FER1L6: variants seen among roughly 807,000 people sequenced by gnomAD.
The protein encoded by FER1L6 is fer-1-like protein 6.
In FER1L6, 177 loss-of-function variants were observed where a neutral mutation model predicts 219.2. The observed-to-expected ratio is 0.81, with a 90% CI of 0.71 to 0.91. The LOEUF (loss-of-function observed/expected upper bound fraction) is 0.91, where lower values mean the gene tolerates loss of function less well. FER1L6 is among the 40% of genes least tolerant of loss of function. FER1L6 has a pLI of 0.00. For synonymous variants in FER1L6, 768 were observed against 824.3 expected (o/e 0.93, Z 1.17); for missense variants, 2,153 against 2,259.9 (o/e 0.95, Z 0.96).
chr8:124,110,729 A>G (rs1822986710), intron 39 of FER1L6, among the ~76,000 whole-genome samples: 1 of 152,104 alleles, frequency 6.6e-6, no homozygotes, highest in East Asian at 1.9e-4. Context: ...TCACAGCACC[A>G]TTTGTCACAC....
intron 32 of FER1L6, among the ~76,000 whole-genome samples, chr8:124,079,557 T>C (rs762934312): frequency 1.3e-5 from 2 of 152,168 alleles, no homozygotes; most frequent in African/African-American, 2.4e-5. Flanking sequence ...CGTCACCCTG[T>C]GAGTAGATTG....
intron 1 of FER1L6, among the ~76,000 whole-genome samples, chr8:123,904,814 C>T (rs4504619): frequency 0.77 from 116,719 of 152,140 alleles, 45,040 homozygotes; most frequent in South Asian, 0.84. Context: ...AGAAATGGCA[C>T]AGGTACAGTA....
At position 124,082,237 on chromosome 8, in the gene FER1L6, C is replaced by T. The variant is rs1249459651; in HGVS notation, c.4221-51C>T. ...CTAAAAGTGAAGCTGGGAATGGTTC[C>T]CTGTGTCACCAAATGTTAACTGACT... On this transcript the variant is annotated intron_variant, in intron 32 of 40. Transcript: ENST00000522917. The T allele has an allele frequency of 2.0e-6, 3 of 1,505,256 alleles. No homozygotes were observed. The African/African-American group carries it at 4.2e-5, about 21-fold the overall frequency. The allele number at this position is 1,505,256 out of a possible 1,614,324, so 93.2% of individuals were successfully genotyped here. A position where few individuals can be genotyped will look rare whatever the true frequency, so the allele number is the denominator to read the frequency against.
intron 1 of FER1L6, among the ~76,000 whole-genome samples, chr8:123,895,981 A>T (rs1315186580): frequency 6.6e-6 from 1 of 152,222 alleles, no homozygotes; most frequent in Non-Finnish European, 1.5e-5. Context: ...GGATAGGATG[A>T]TACCATGCAT....
intron 12 of FER1L6, among the ~76,000 whole-genome samples, chr8:123,997,066 T>G (rs561575388): frequency 6.6e-6 from 1 of 152,280 alleles, no homozygotes; most frequent in East Asian, 1.9e-4. Flanking sequence ...TGTTATAATG[T>G]TCTATGTTTC....
intron 1 of FER1L6, among the ~76,000 whole-genome samples, chr8:123,933,402 C>T (rs4871438): frequency 1.1e-5 from 1 of 90,766 alleles, no homozygotes; most frequent in Non-Finnish European, 2.3e-5. Flanking sequence ...GTGTGTGTGT[C>T]TGTGTGTGTG....
chr8:123,879,978 T>G (rs1586436553), intron 1 of FER1L6, among the ~76,000 whole-genome samples: 1 of 152,110 alleles, frequency 6.6e-6, no homozygotes, highest in Admixed American at 6.6e-5. Flanking sequence ...TGACATTGCC[T>G]CCAAGATTCA....
At chr8:124,109,217 GGT>G (rs1327019588) in intron 39 of FER1L6, among the ~76,000 whole-genome samples, 2 of 152,148 alleles carry the variant, frequency 1.3e-5, no homozygotes, top group African/African-American at 4.8e-5. Context: ...TGGAGAAGGC[GGT>G]GTCTGATTTA....
chr8:124,062,134 G>A (rs1820615292), intron 25 of FER1L6, 102 bp downstream of exon 25: 2 of 1,241,618 alleles, frequency 1.6e-6, no homozygotes, highest in Non-Finnish European at 2.3e-6. Flanking sequence ...CCACAGCCAA[G>A]TGGCTGGGTG....
chr8:123,956,161 A>C lies in FER1L6; in HGVS notation c.76+87A>C, dbSNP rs964040460. 78 of 1,182,508 alleles carry C rather than the reference A, an allele frequency of 6.6e-5. 1 individual carries two copies. The highest frequency in any genetic ancestry group is 5.4e-4 in the Middle Eastern group (2 of 3,692). 73.3% of individuals were successfully genotyped at this position (1,182,508 alleles called of 1,614,324 possible). On this transcript the variant is annotated intron_variant, in intron 2 of 40. Coordinates refer to ENST00000522917, the MANE Select transcript of FER1L6 (RefSeq NM_001039112.2). ...GTGGCTGAAAATGCAGTTCTCTCTC[A>C]ATGGGAGCGAGGGGGAGTGTGAATG...
intron 7 of FER1L6, among the ~76,000 whole-genome samples, chr8:123,974,439 C>G (rs921458600): frequency 6.6e-6 from 1 of 151,780 alleles, no homozygotes; most frequent in Non-Finnish European, 1.5e-5. Context: ...AGTTCAAGAC[C>G]AGCCTGGCCA....
intron 1 of FER1L6, among the ~76,000 whole-genome samples, chr8:123,874,013 T>C (rs1816964584): frequency 6.6e-6 from 1 of 152,232 alleles, no homozygotes; most frequent in African/African-American, 2.4e-5. Flanking sequence ...CATCTTATAA[T>C]TACCACCTTG....
At chr8:123,977,897 G>A (rs998502598) in intron 10 of FER1L6, among the ~76,000 whole-genome samples, 6 of 152,134 alleles carry the variant, frequency 3.9e-5, no homozygotes, top group Admixed American at 1.3e-4. Flanking sequence ...TATTGCCACC[G>A]CTAATCTGAC....
chr8:123,877,766 C>CAAAAAAAA (rs34492769), intron 1 of FER1L6, among the ~76,000 whole-genome samples: 1 of 126,642 alleles, frequency 7.9e-6, no homozygotes, highest in Non-Finnish European at 1.7e-5. Context: ...CCAGTCCCTG[C>CAAAAAAAA]AAAAAAAAAA....
At chr8:123,868,103 T>A (rs1358911070) in intron 1 of FER1L6, among the ~76,000 whole-genome samples, 1 of 152,194 alleles carries the variant, frequency 6.6e-6, no homozygotes, top group African/African-American at 2.4e-5. Context: ...CTTATTCCTT[T>A]CTTCCTTCCC....
intron 1 of FER1L6, among the ~76,000 whole-genome samples, chr8:123,881,139 A>G (rs1159804443): frequency 6.6e-6 from 1 of 152,244 alleles, no homozygotes; most frequent in Admixed American, 6.5e-5. Context: ...CAATGCTAAG[A>G]GATATAAATA....
intron 37 of FER1L6, among the ~76,000 whole-genome samples, 159 bp downstream of exon 37, chr8:124,098,042 T>C (rs1243306183): frequency 2.6e-5 from 4 of 152,222 alleles, no homozygotes; most frequent in Admixed American, 2.6e-4. Flanking sequence ...TTTGTCTTAT[T>C]TGGTCATTTT....
At chr8:123,886,202 T>C (rs1817198259) in intron 1 of FER1L6, among the ~76,000 whole-genome samples, 1 of 152,122 alleles carries the variant, frequency 6.6e-6, no homozygotes, top group East Asian at 1.9e-4. Flanking sequence ...ACTCTTAGGG[T>C]GCTATGGTTT....
chr8:123,927,594 T>C lies in FER1L6; in HGVS notation c.-7-28398T>C, dbSNP rs191853443. On this transcript the variant is annotated intron_variant, in intron 1 of 40. Transcript: ENST00000522917. ...GTTTTGAAAACCTTTACGTTGGTTT[T>C]TTGTAGCAGCACCATTTGTTTTAGT... Among the ~76,000 whole-genome samples, 4 of 152,324 alleles carry C rather than the reference T, an allele frequency of 2.6e-5. No individual in the cohort carries two copies. The East Asian group carries it at 7.7e-4, about 29-fold the overall frequency.
Sources: gnomAD v4.1 joint callset for allele counts (sites outside exome capture counted in the v4.1 genomes callset) on GRCh38, gnomAD v4.1.1 for gene constraint, MANE v1.5 for transcripts, NCBI Gene and HGNC (gene_info 2026-07-23, HGNC 2026-07-21) for gene names.